SERINC5: variants seen among roughly 807,000 people sequenced by gnomAD.
The protein encoded by SERINC5 is serine incorporator 5.
In SERINC5, 41 loss-of-function variants were observed where a neutral mutation model predicts 63.1. The ratio of observed to expected loss-of-function variants is 0.65; its 90% CI spans 0.51 to 0.84. SERINC5 has a LOEUF of 0.84. SERINC5 is among the 40% of genes least tolerant of loss of function. The probability of loss-of-function intolerance (pLI) is 0.00; values close to 1 mark genes in which losing one functional copy is unlikely to be tolerated. For missense variants in SERINC5, 523 were observed against 573.0 expected (o/e 0.91, Z 0.89); for synonymous variants, 222 against 215.2 (o/e 1.03, Z -0.28).
At chr5:80,174,807 AAGGAGAGG>A (rs1392841040) in intron 5 of SERINC5, 139 bp downstream of exon 5, 1 of 554,628 alleles carries the variant, frequency 1.8e-6, no homozygotes, top group Non-Finnish European at 3.3e-6. Flanking sequence ...GAAGTGAATG[AAGGAGAGG>A]AGTAAATGAA....
chr5:80,210,060 G>GAAATA (rs34840755), intron 1 of SERINC5, among the ~76,000 whole-genome samples: 84,190 of 150,914 alleles, frequency 0.56, 24,632 homozygotes, highest in African/African-American at 0.73. Flanking sequence ...TCTCAAAAAA[G>GAAATA]AAATAAAATA....
intron 11 of SERINC5, among the ~76,000 whole-genome samples, chr5:80,124,959 A>G (rs1744691119): frequency 6.6e-6 from 1 of 152,184 alleles, no homozygotes; most frequent in Non-Finnish European, 1.5e-5. Context: ...GGATGGTTCC[A>G]ACCAAAAAAG....
chr5:80,114,915 C>T (rs986627445), intron 11 of SERINC5, among the ~76,000 whole-genome samples: 11 of 151,950 alleles, frequency 7.2e-5, no homozygotes, highest in Admixed American at 7.2e-4. Context: ...AAACATTATT[C>T]CCATTTTATA....
intron 1 of SERINC5, among the ~76,000 whole-genome samples, chr5:80,217,817 A>G (rs892587744): frequency 6.6e-6 from 1 of 152,180 alleles, no homozygotes; most frequent in Non-Finnish European, 1.5e-5. Context: ...CTGCACTGGA[A>G]GTCCCTGATC....
At chr5:80,244,549 G>A (rs1035587116) in intron 1 of SERINC5, among the ~76,000 whole-genome samples, 28 of 151,730 alleles carry the variant, frequency 1.8e-4, no homozygotes, top group Middle Eastern at 3.4e-3. Flanking sequence ...ACATGGTCTC[G>A]GCCGGGCACA....
At chr5:80,123,515 T>C (rs1335424481) in intron 11 of SERINC5, among the ~76,000 whole-genome samples, 1 of 152,220 alleles carries the variant, frequency 6.6e-6, no homozygotes, top group African/African-American at 2.4e-5. Context: ...TTACATTTGC[T>C]CAGTTCCTTG....
intron 1 of SERINC5, among the ~76,000 whole-genome samples, chr5:80,239,847 T>C (rs75702106): frequency 0.011 from 1,639 of 152,170 alleles, 37 homozygotes; most frequent in African/African-American, 0.037. Flanking sequence ...GAGTTGTTTG[T>C]TTATTATGGT....
At chr5:80,216,023 T>C (rs2112526385) in intron 1 of SERINC5, among the ~76,000 whole-genome samples, 1 of 152,324 alleles carries the variant, frequency 6.6e-6, no homozygotes, top group Admixed American at 6.5e-5. Flanking sequence ...TACCTTAAAA[T>C]TAAAAATATC....
At chr5:80,123,378 T>C in intron 11 of SERINC5, among the ~76,000 whole-genome samples, 1 of 152,220 alleles carries the variant, frequency 6.6e-6, no homozygotes, top group Admixed American at 6.5e-5. Context: ...GATCCCAGGA[T>C]CCCAAAGCGC....
chr5:80,147,375 C>T (rs78285752), intron 9 of SERINC5, 91 bp from the exon 10 acceptor site: 95,531 of 1,323,306 alleles, frequency 0.072, 3,994 homozygotes, highest in East Asian at 0.16. Context: ...GAACCACCTC[C>T]CAGGCCCTTC....
chr5:80,127,164 TC>T (rs1397789538), intron 11 of SERINC5, among the ~76,000 whole-genome samples: 1 of 152,158 alleles, frequency 6.6e-6, no homozygotes, highest in Non-Finnish European at 1.5e-5. Flanking sequence ...AGATAATACT[TC>T]CCCACTTCAT....
intron 11 of SERINC5, among the ~76,000 whole-genome samples, chr5:80,122,797 G>A (rs1744600719): frequency 1.3e-5 from 2 of 152,244 alleles, no homozygotes; most frequent in South Asian, 4.1e-4. Context: ...GGAACTGAAA[G>A]TGGCCCTTGC....
intron 1 of SERINC5, among the ~76,000 whole-genome samples, chr5:80,216,630 A>G (rs1042394058): frequency 6.6e-6 from 1 of 152,228 alleles, no homozygotes; most frequent in Admixed American, 6.5e-5. Flanking sequence ...AAGGTATAAG[A>G]AAATGAAACC....
At chr5:80,221,609 T>TAA (rs1212622132) in intron 1 of SERINC5, among the ~76,000 whole-genome samples, 13 of 152,174 alleles carry the variant, frequency 8.5e-5, no homozygotes, top group Non-Finnish European at 1.6e-4. Flanking sequence ...AGGTTTAACA[T>TAA]TAAGCACGAA....
chr5:80,244,868 G>A (rs1427196624), intron 1 of SERINC5, among the ~76,000 whole-genome samples: 2 of 152,040 alleles, frequency 1.3e-5, no homozygotes, highest in African/African-American at 4.8e-5. Context: ...TCACTCTGCC[G>A]CCCAAGCTGG....
chr5:80,222,303 G>T (rs1750940617), intron 1 of SERINC5, among the ~76,000 whole-genome samples: 1 of 152,074 alleles, frequency 6.6e-6, no homozygotes, highest in Non-Finnish European at 1.5e-5. Flanking sequence ...TGCAACTGTG[G>T]ATGGGCCACT....
At chr5:80,131,026 T>C (rs917386282) in intron 11 of SERINC5, among the ~76,000 whole-genome samples, 1 of 152,184 alleles carries the variant, frequency 6.6e-6, no homozygotes, top group Non-Finnish European at 1.5e-5. Context: ...TTACATAGAA[T>C]AGTCAGGGAG....
At chr5:80,233,955 G>A (rs1252330066) in intron 1 of SERINC5, among the ~76,000 whole-genome samples, 3 of 151,604 alleles carry the variant, frequency 2.0e-5, no homozygotes, top group Non-Finnish European at 4.4e-5. Flanking sequence ...GGGACTACAG[G>A]TGCCCGCCAC....
At chr5:80,207,017 T>C (rs969918053) in intron 1 of SERINC5, among the ~76,000 whole-genome samples, 1 of 151,894 alleles carries the variant, frequency 6.6e-6, no homozygotes, top group Non-Finnish European at 1.5e-5. Flanking sequence ...ATATATTTTT[T>C]AGACGGAGTC....
Sources: allele counts gnomAD v4.1 joint callset (sites outside exome capture counted in the v4.1 genomes callset), GRCh38; gene constraint gnomAD v4.1.1; transcripts MANE v1.5; gene names NCBI Gene and HGNC (gene_info 2026-07-23, HGNC 2026-07-21).